Variants in ICMT observed in about 807,000 individuals in gnomAD.
ICMT encodes the protein isoprenylcysteine carboxyl methyltransferase.
A neutral mutation model predicts 32.2 loss-of-function variants in ICMT; 10 were observed. That is an observed-to-expected ratio of 0.31 (90% CI 0.19 to 0.53). The LOEUF is 0.53. Among genes scored for constraint, ICMT ranks in the 20% least tolerant of loss-of-function variants. The probability of loss-of-function intolerance (pLI) is 0.96; values close to 1 mark genes in which losing one functional copy is unlikely to be tolerated. For synonymous variants in ICMT, 183 were observed against 158.2 expected (o/e 1.16, Z -1.18); for missense variants, 265 against 356.9 (o/e 0.74, Z 2.07).
Position 6,224,978 on chromosome 1 carries a change from TA to T in ICMT, c.*101del. The T allele has an allele frequency of 9.4e-7, 1 of 1,067,998 alleles. No homozygotes were observed. Among genetic ancestry groups the T allele is most frequent in the Non-Finnish European group, 1.4e-6 (1 of 728,646 alleles). 66.2% of individuals were successfully genotyped at this position (1,067,998 alleles called of 1,614,324 possible). On this transcript the variant is annotated 3_prime_UTR_variant, in exon 5 of 5. Coordinates refer to ENST00000343813, the MANE Select transcript of ICMT (RefSeq NM_012405.4). Reference sequence around the variant, plus strand: ...CATTCCAGAAGAGTGACTAATGACATAAAACGATTAAGAAAATCCATGTGGC... The same window carrying T: ...CATTCCAGAAGAGTGACTAATGACATAAACGATTAAGAAAATCCATGTGGC...
At chr1:6,232,531 A>C (rs1468678201) in intron 3 of ICMT, among the ~76,000 whole-genome samples, 1 of 152,220 alleles carries the variant, frequency 6.6e-6, no homozygotes, top group African/African-American at 2.4e-5. Context: ...ATTCAATTTC[A>C]GAGTGCATTC....
intron 1 of ICMT, 112 bp downstream of exon 1, chr1:6,235,605 G>T: frequency 1.4e-6 from 1 of 696,200 alleles, no homozygotes; most frequent in South Asian, 6.6e-5. Context: ...CGCGGATGAA[G>T]AGCGCGCGCG....
chr1:6,225,048 G>A lies in ICMT; in HGVS notation c.*32C>T, dbSNP rs773992104. ...GTTTTGTCCCAGGCTGCACAGGGTC[G>A]GAGGCCCCAAGGTCACCGGGGCCAC... On this transcript the variant is annotated 3_prime_UTR_variant, in exon 5 of 5. Transcript: ENST00000343813. 5.7e-6 allele frequency: 9 copies of A among 1,587,388 alleles called. No homozygotes were observed. Among genetic ancestry groups the A allele is most frequent in the African/African-American group, 2.7e-5 (2 of 74,108 alleles).
chr1:6,229,715 T>C (rs1320566780), intron 4 of ICMT, among the ~76,000 whole-genome samples: 1 of 151,182 alleles, frequency 6.6e-6, no homozygotes, highest in Non-Finnish European at 1.5e-5. Context: ...ATCATGCCAA[T>C]GCACTATAGC....
intron 4 of ICMT, among the ~76,000 whole-genome samples, chr1:6,226,304 G>A (rs544428195): frequency 8.5e-5 from 13 of 152,254 alleles, no homozygotes; most frequent in African/African-American, 3.1e-4. Context: ...GCTGAGGCAG[G>A]AGAATTGCTT....
At chr1:6,227,425 G>C (rs1236295624) in intron 4 of ICMT, among the ~76,000 whole-genome samples, 1 of 152,198 alleles carries the variant, frequency 6.6e-6, no homozygotes, top group Admixed American at 6.5e-5. Flanking sequence ...ATTGCTGATG[G>C]GATGCCTGAG....
Position 6,224,459 on chromosome 1 carries a change from G to T in ICMT, c.*621C>A, listed in dbSNP as rs1668608680. ...AAGTTGAACTAGAACACCAAGCATT[G>T]AGCTAGGAATACCCCTTTGAATGTG... On this transcript the variant is annotated 3_prime_UTR_variant, in exon 5 of 5. Transcript: ENST00000343813. 6.6e-6 allele frequency: 1 copy of T among 152,188 alleles called. No individual in the cohort carries two copies. Among genetic ancestry groups the T allele is most frequent in the Non-Finnish European group, 1.5e-5 (1 of 68,038 alleles). 9.4% of individuals were successfully genotyped at this position (152,188 alleles called of 1,614,324 possible). A position where few individuals can be genotyped will look rare whatever the true frequency, so the allele number is the denominator to read the frequency against.
In ICMT at chr1:6,234,318, A is replaced by T. The variant is rs1427517257; in HGVS notation, c.284+568T>A. The T allele has an allele frequency of 7.9e-6, 3 of 379,428 alleles. No homozygotes were observed. The East Asian group carries it at 2.2e-4, about 27-fold the overall frequency. 23.5% of individuals were successfully genotyped at this position (379,428 alleles called of 1,614,324 possible). A position where few individuals can be genotyped will look rare whatever the true frequency, so the allele number is the denominator to read the frequency against. On this transcript the variant is annotated intron_variant, in intron 2 of 4. Transcript: ENST00000343813. The stretch of plus-strand genomic sequence containing the variant: ...AACATAAAGGAGTGATGTATGTCGG[A>T]TACAAAATTTAACAAAACTGAAATA...
Position 6,235,813 on chromosome 1 carries a change from G to T in ICMT, c.99C>A (p.Leu33=), listed in dbSNP as rs774081888. 2 of 1,319,962 alleles carry T rather than the reference G, an allele frequency of 1.5e-6. No individual in the cohort carries two copies. Among genetic ancestry groups the T allele is most frequent in the South Asian group, 3.2e-5 (2 of 62,540 alleles). The allele number at this position is 1,319,962 out of a possible 1,614,324, so 81.8% of individuals were successfully genotyped here. ...TGCGGCCCTGCAGGCCGGCGCGCGT[G>T]AGCAGCGGCAGCGCGAGCACCGAGG... ...LGASVLALPL[L]TRAGLQGRTG... The change falls in exon 1 of 5, where the codon CTC becomes CTA. Residue 33 remains leucine (L), a synonymous_variant. Coordinates refer to ENST00000343813, the MANE Select transcript of ICMT (RefSeq NM_012405.4).
intron 4 of ICMT, among the ~76,000 whole-genome samples, chr1:6,227,113 G>A (rs937550090): frequency 6.6e-6 from 1 of 152,196 alleles, no homozygotes; most frequent in African/African-American, 2.4e-5. Flanking sequence ...TAAACAGTAA[G>A]TGTAAGTATT....
chr1:6,230,939 A>G (rs907291055), intron 4 of ICMT, among the ~76,000 whole-genome samples: 1 of 149,712 alleles, frequency 6.7e-6, no homozygotes, highest in Non-Finnish European at 1.5e-5. Context: ...CTGTAGCTCA[A>G]GCCTGTAATC....
chr1:6,227,120 T>C (rs1416335867), intron 4 of ICMT, among the ~76,000 whole-genome samples: 1 of 152,226 alleles, frequency 6.6e-6, no homozygotes, highest in Non-Finnish European at 1.5e-5. Flanking sequence ...TAAGTGTAAG[T>C]ATTATATCAG....
chr1:6,230,661 G>A (rs944931461), intron 4 of ICMT, among the ~76,000 whole-genome samples: 20 of 150,330 alleles, frequency 1.3e-4, no homozygotes, highest in Non-Finnish European at 2.2e-4. Context: ...AGGCCGAGGC[G>A]GGCAGATCAT....
chr1:6,234,605 C>A, intron 2 of ICMT: 1 of 511,492 alleles, frequency 2.0e-6, no homozygotes, highest in Non-Finnish European at 3.7e-6. Flanking sequence ...CCGGGAAGGG[C>A]TGCTCAAGTT....
At chr1:6,229,166 C>T (rs1379239976) in intron 4 of ICMT, among the ~76,000 whole-genome samples, 5 of 152,154 alleles carry the variant, frequency 3.3e-5, no homozygotes, top group African/African-American at 1.2e-4. Flanking sequence ...GGAAAAACCC[C>T]GTCTCTACAA....
chr1:6,229,813 CACACACACACAT>C (rs1414567732), intron 4 of ICMT, among the ~76,000 whole-genome samples: 1 of 141,240 alleles, frequency 7.1e-6, no homozygotes, highest in Non-Finnish European at 1.6e-5. Flanking sequence ...CACACACACA[CACACACACACAT>C]AGAGCAGGTG....
intron 4 of ICMT, among the ~76,000 whole-genome samples, chr1:6,231,135 C>T (rs574137436): frequency 2.0e-5 from 3 of 151,450 alleles, no homozygotes; most frequent in African/African-American, 7.3e-5. Context: ...CGCACCACTG[C>T]ACTCTGGCCT....
rs1668640601 is a variant in ICMT at position 6,226,004 on chromosome 1, G to A, written c.673-742C>T. Reference sequence around the variant, plus strand: ...CAAGTAGCTGGGACTAAGGGCACATGCCACCACACCCAGCTAATTTTTGTA... The same window carrying A: ...CAAGTAGCTGGGACTAAGGGCACATACCACCACACCCAGCTAATTTTTGTA... On this transcript the variant is annotated intron_variant, in intron 4 of 4. Transcript: ENST00000343813. 6.6e-5 allele frequency among the ~76,000 whole-genome samples: 10 copies of A among 152,058 alleles called. No individual in the cohort carries two copies. In the South Asian group the frequency reaches 2.1e-3, roughly 31 times the overall value.
At chr1:6,232,259 A>G (rs888139739) in intron 3 of ICMT, 140 bp from the exon 4 acceptor site, 2 of 617,062 alleles carry the variant, frequency 3.2e-6, no homozygotes, top group Non-Finnish European at 2.8e-6. Flanking sequence ...TTGTCATCAC[A>G]TTAAAATTTC....
Sources: allele counts gnomAD v4.1 joint callset (sites outside exome capture counted in the v4.1 genomes callset), GRCh38; gene constraint gnomAD v4.1.1; transcripts MANE v1.5; gene names NCBI Gene and HGNC (gene_info 2026-07-23, HGNC 2026-07-21).